Variants in PCLO observed in about 807,000 individuals in gnomAD.
PCLO encodes piccolo presynaptic cytomatrix protein, also known as protein piccolo.
A neutral mutation model predicts 427.5 loss-of-function variants in PCLO; 82 were observed. That is an observed-to-expected ratio of 0.19 (90% CI 0.16 to 0.23). The LOEUF (loss-of-function observed/expected upper bound fraction) is 0.23, where lower values mean the gene tolerates loss of function less well. PCLO is among the 10% of genes least tolerant of loss of function. The pLI is 1.00. For synonymous variants in PCLO, 2,357 were observed against 2,155.4 expected (o/e 1.09, Z -2.59); for missense variants, 6,239 against 6,115.9 (o/e 1.02, Z -0.67).
chr7:83,031,839 A>G (rs1788677762), intron 3 of PCLO, among the ~76,000 whole-genome samples: 1 of 151,808 alleles, frequency 6.6e-6, no homozygotes, highest in South Asian at 2.1e-4. Flanking sequence ...TCCCTCAAAG[A>G]TAATCACTAA....
rs755919479 is a variant in PCLO, at chr7:82,915,498, T to C, written c.12488A>G (p.Lys4163Arg). 1 of 1,613,744 alleles carries C rather than the reference T, an allele frequency of 6.2e-7. No individual in the cohort carries two copies. Among genetic ancestry groups the C allele is most frequent in the Admixed American group, 1.7e-5 (1 of 59,994 alleles). Residue 4163 changes from lysine to arginine, a missense_variant, in exon 7 of 25, where the codon AAG becomes AGG. Lys to Arg is a conservative substitution (Grantham distance 26, BLOSUM62 2). Coordinates refer to ENST00000333891, the MANE Select transcript of PCLO (RefSeq NM_033026.6). Reference sequence around the variant, plus strand: ...AAGTGTGAGTCTACTGATGCTATACTTCTCAGATTTTGGAAAATGTCTGTA... The same window carrying C: ...AAGTGTGAGTCTACTGATGCTATACCTCTCAGATTTTGGAAAATGTCTGTA... ...TSYRHFPKSE[K>R]YSISRLTLEK...
At chr7:82,861,348 T>C (rs1227630871) in intron 10 of PCLO, among the ~76,000 whole-genome samples, 1 of 151,754 alleles carries the variant, frequency 6.6e-6, no homozygotes, top group Non-Finnish European at 1.5e-5. Context: ...GTACATGGAG[T>C]TATTACACTT....
intron 3 of PCLO, among the ~76,000 whole-genome samples, chr7:82,995,359 G>T (rs1562905948): frequency 6.6e-6 from 1 of 151,978 alleles, no homozygotes; most frequent in Non-Finnish European, 1.5e-5. Context: ...TTTTGCCAGG[G>T]TTGGTTAACA....
chr7:83,124,106 C>T (rs1177809507), intron 3 of PCLO, among the ~76,000 whole-genome samples: 2 of 150,944 alleles, frequency 1.3e-5, no homozygotes, highest in African/African-American at 4.9e-5. Context: ...GTCAGGAAAT[C>T]GAGACCATCC....
intron 13 of PCLO, among the ~76,000 whole-genome samples, chr7:82,844,009 C>T (rs1194502449): frequency 6.6e-6 from 1 of 151,884 alleles, no homozygotes; most frequent in African/African-American, 2.4e-5. Context: ...ACAGTATAAA[C>T]ATATACAAGT....
intron 20 of PCLO, chr7:82,822,237 T>C: frequency 1.5e-6 from 2 of 1,337,634 alleles, no homozygotes; most frequent in Non-Finnish European, 1.9e-6. Context: ...CTGTATCAAA[T>C]GCTATGAGCC....
At chr7:83,081,988 C>A (rs1241546050) in intron 3 of PCLO, among the ~76,000 whole-genome samples, 1 of 151,392 alleles carries the variant, frequency 6.6e-6, no homozygotes, top group East Asian at 1.9e-4. Flanking sequence ...TAAACGGGAA[C>A]AAGAAATTGC....
intron 3 of PCLO, among the ~76,000 whole-genome samples, chr7:83,036,253 T>A (rs1024704641): frequency 6.6e-6 from 1 of 152,110 alleles, no homozygotes; most frequent in Non-Finnish European, 1.5e-5. Context: ...ATAAAATAGA[T>A]TGTTGAGCTC....
In PCLO at chr7:82,793,524, G is replaced by A. The variant is rs566553459; in HGVS notation, c.15007+7994C>T. Among the ~76,000 whole-genome samples the A allele has an allele frequency of 2.0e-5, 3 of 152,090 alleles. No individual in the cohort carries two copies. The South Asian group carries it at 6.2e-4, about 31-fold the overall frequency. On this transcript the variant is annotated intron_variant, in intron 22 of 24. Coordinates refer to ENST00000333891, the MANE Select transcript of PCLO (RefSeq NM_033026.6). ...TTCGAAATTGGGTTTTCAGGGCCCT[G>A]GAAGTATTGAATTAATCTCTAAACT...
At chr7:83,116,025 A>G (rs1338040571) in intron 3 of PCLO, among the ~76,000 whole-genome samples, 1 of 151,922 alleles carries the variant, frequency 6.6e-6, no homozygotes, top group Non-Finnish European at 1.5e-5. Context: ...TCCCACATTA[A>G]CATTAAAGAA....
chr7:82,953,464 G>A lies in PCLO; in HGVS notation c.7489C>T (p.Leu2497Phe), dbSNP rs1175736589. The change falls in exon 5 of 25, where the codon CTT (leucine) becomes TTT (phenylalanine). Residue 2497 changes from leucine (L) to phenylalanine (F), a missense_variant. Leu to Phe is a conservative substitution (Grantham distance 22). Around this residue, in one of 5 missense-constraint regions of PCLO, gnomAD observed 4,677 missense variants for 4,468.4 expected, o/e 1.05. Transcript: ENST00000333891. ...GGCTCAGGCCTGTGGGTAAATACAA[G>A]TCCAGATGGAATTGAAGATGGCTTA... Reference protein sequence around the residue: ...PPKPSSIPSGLVFTHRPEPSK... With the variant: ...PPKPSSIPSGFVFTHRPEPSK... 6.2e-7 allele frequency: 1 copy of A among 1,613,474 alleles called. No homozygotes were observed. The highest frequency in any genetic ancestry group is 2.2e-5 in the East Asian group (1 of 44,806).
At chr7:83,021,405 T>A (rs1193112985) in intron 3 of PCLO, among the ~76,000 whole-genome samples, 1 of 152,182 alleles carries the variant, frequency 6.6e-6, no homozygotes, top group East Asian at 1.9e-4. Flanking sequence ...TTCCCATTTA[T>A]TGGCACTGTG....
At chr7:83,068,855 CAAGACATGGAAACAACCA>C (rs1789736584) in intron 3 of PCLO, among the ~76,000 whole-genome samples, 1 of 152,016 alleles carries the variant, frequency 6.6e-6, no homozygotes, top group South Asian at 2.1e-4. Flanking sequence ...TCACAATAGC[CAAGACATGGAAACAACCA>C]AAGTATTTAC....
At chr7:83,094,106 C>T (rs1051241400) in intron 3 of PCLO, among the ~76,000 whole-genome samples, 2 of 151,802 alleles carry the variant, frequency 1.3e-5, no homozygotes, top group East Asian at 1.9e-4. Context: ...CCTTAACCTT[C>T]GGCCACCCCT....
In PCLO at chr7:83,135,237, T is replaced by C. The variant is rs1204921829; in HGVS notation, c.2313A>G (p.Ser771=). The C allele has an allele frequency of 5.6e-6, 9 of 1,613,946 alleles. No individual in the cohort carries two copies. The East Asian group carries it at 1.8e-4, about 32-fold the overall frequency. Residue 771 remains serine, a synonymous_variant, in exon 3 of 25, where the codon TCA becomes TCG. Transcript: ENST00000333891. ...TTGGAATATCAGGTTTTGTTGTTGC[T>C]GATGATGAAGATACAAGGTCAGTGG... ...KPTTDLVSSS[S]ATTKPDIPSS... is the part of the protein sequence containing the mutation.
rs748905566 is a variant in PCLO at position 82,758,067 on chromosome 7, C to A, written c.*508G>T. 1.3e-5 allele frequency: 2 copies of A among 152,030 alleles called. No homozygotes were observed. Among genetic ancestry groups the A allele is most frequent in the African/African-American group, 4.8e-5 (2 of 41,414 alleles). 9.4% of individuals were successfully genotyped at this position (152,030 alleles called of 1,614,324 possible). ...GCCACCTCACTTCCAGCCCTGGACA[C>A]ATACTGTAGGTATATCTTATGTCAG... On this transcript the variant is annotated 3_prime_UTR_variant, in exon 25 of 25. Coordinates refer to ENST00000333891, the MANE Select transcript of PCLO (RefSeq NM_033026.6).
At chr7:83,082,116 T>TACAC (rs144592853) in intron 3 of PCLO, among the ~76,000 whole-genome samples, 1,715 of 148,960 alleles carry the variant, frequency 0.012, 34 homozygotes, top group African/African-American at 0.039. Flanking sequence ...TCCTATACTA[T>TACAC]ACACACACAC....
At chr7:82,857,540 G>C (rs73710055) in intron 10 of PCLO, among the ~76,000 whole-genome samples, 2,580 of 152,104 alleles carry the variant, frequency 0.017, 87 homozygotes, top group African/African-American at 0.059. Context: ...ATCTGAACTA[G>C]TGGCAAAATC....
chr7:82,998,391 AAAC>A (rs79603092), intron 3 of PCLO, among the ~76,000 whole-genome samples: 2,258 of 149,266 alleles, frequency 0.015, 22 homozygotes, highest in African/African-American at 0.032. Context: ...TGTCCTTTAA[AAAC>A]AACAACAACA....
Sources: gnomAD v4.1 joint callset for allele counts (sites outside exome capture counted in the v4.1 genomes callset) on GRCh38, gnomAD v4.1.1 for gene constraint, gnomAD v4.1.1 regional missense constraint, MANE v1.5 for transcripts, NCBI Gene and HGNC (gene_info 2026-07-23, HGNC 2026-07-21) for gene names.